The following CFAP91 variants were observed in gnomAD, a reference collection of about 807,000 sequenced individuals.
CFAP91 encodes the protein cilia- and flagella-associated protein 91.
Under a neutral mutation model 95.9 loss-of-function variants are expected in CFAP91, and 85 were observed. The ratio of observed to expected loss-of-function variants is 0.89; its 90% CI spans 0.74 to 1.06. The LOEUF is 1.06. Ranked by LOEUF, CFAP91 falls within the 50% of genes least tolerant of loss-of-function variation. The pLI, the probability that CFAP91 is intolerant of heterozygous loss-of-function variation, is 0.00. For synonymous variants in CFAP91, 335 were observed against 327.5 expected, an observed-to-expected ratio of 1.02 and a Z score of -0.25; for missense variants, 962 against 943.4, an observed-to-expected ratio of 1.02 and a Z score of -0.26.
chr3:119,736,759 GA>G (rs898411292), intron 10 of CFAP91, among the ~76,000 whole-genome samples: 10 of 151,940 alleles, frequency 6.6e-5, no homozygotes, highest in African/African-American at 2.4e-4. Context: ...CCATTGTGTG[GA>G]TATACCACAT....
At chr3:119,732,606 C>T in intron 9 of CFAP91, 130 bp downstream of exon 9, 4 of 663,580 alleles carry the variant, frequency 6.0e-6, no homozygotes, top group Non-Finnish European at 9.9e-6. Flanking sequence ...ACTGATGATA[C>T]AAACCAATAA....
chr3:119,749,743 C>T (rs1419812542), intron 16 of CFAP91, among the ~76,000 whole-genome samples: 1 of 151,996 alleles, frequency 6.6e-6, no homozygotes, highest in Non-Finnish European at 1.5e-5. Flanking sequence ...CAAATGAGAA[C>T]CATATGTATT....
chr3:119,738,330 G>GT (rs1559761130), intron 11 of CFAP91, among the ~76,000 whole-genome samples: 23 of 23,694 alleles, frequency 9.7e-4, no homozygotes, highest in Admixed American at 1.9e-3. Context: ...TTGACATATT[G>GT]TCTTTTTTTT....
chr3:119,720,641 A>G (rs2053666754), intron 6 of CFAP91, among the ~76,000 whole-genome samples: 1 of 152,326 alleles, frequency 6.6e-6, no homozygotes, highest in Admixed American at 6.5e-5. Flanking sequence ...GGAAACACAG[A>G]ATAAAAGTTA....
intron 7 of CFAP91, among the ~76,000 whole-genome samples, chr3:119,727,222 G>A (rs2053800435): frequency 6.6e-6 from 1 of 152,188 alleles, no homozygotes; most frequent in South Asian, 2.1e-4. Flanking sequence ...TCTCAGCTTG[G>A]TGCTAAATTT....
At chr3:119,737,010 A>G (rs1396985074) in intron 10 of CFAP91, among the ~76,000 whole-genome samples, 1 of 152,030 alleles carries the variant, frequency 6.6e-6, no homozygotes, top group Non-Finnish European at 1.5e-5. Context: ...CTAATTTTGT[A>G]TTTTTAGTAG....
intron 7 of CFAP91, 26 bp from the exon 8 acceptor site, chr3:119,730,194 C>G (rs756404380): frequency 6.2e-7 from 1 of 1,607,158 alleles, no homozygotes; most frequent in Non-Finnish European, 8.5e-7. Context: ...CCATATGCTT[C>G]TTTATGTTTT....
Position 119,739,285 on chromosome 3 carries a change from T to C in CFAP91, c.1492T>C (p.Tyr498His), listed in dbSNP as rs1235415160. 6.2e-7 allele frequency: 1 copy of C among 1,614,210 alleles called. No homozygotes were observed. Among genetic ancestry groups the C allele is most frequent in the Admixed American group, 1.7e-5 (1 of 60,030 alleles). The change falls in exon 12 of 18, where the codon TAC becomes CAC. Residue 498 changes from tyrosine to histidine, a missense_variant. Transcript: ENST00000273390. ...AGAAGAAATGGAAATGGCTGTGATC[T>C]ACCTTCAAAAGTTACTCCGGGGCAG... is the stretch of plus-strand genomic sequence containing the variant. Reference protein sequence around the residue: ...EEEEMEMAVIYLQKLLRGRVV... With the variant: ...EEEEMEMAVIHLQKLLRGRVV...
chr3:119,708,410 G>A (rs753293668), intron 3 of CFAP91, among the ~76,000 whole-genome samples, 181 bp from the exon 4 acceptor site: 3 of 152,016 alleles, frequency 2.0e-5, no homozygotes, highest in Non-Finnish European at 1.5e-5. Flanking sequence ...TGGTCTCCTG[G>A]CTCAGGGGAA....
At chr3:119,743,733 C>T (rs1335062640) in intron 13 of CFAP91, among the ~76,000 whole-genome samples, 1 of 152,170 alleles carries the variant, frequency 6.6e-6, no homozygotes, top group Non-Finnish European at 1.5e-5. Flanking sequence ...TTGCTAAATC[C>T]TCTTGCTTAT....
chr3:119,722,106 G>T (rs2053696397), intron 6 of CFAP91, among the ~76,000 whole-genome samples: 1 of 149,914 alleles, frequency 6.7e-6, no homozygotes, highest in African/African-American at 2.5e-5. Context: ...GGGGTTCAAG[G>T]TTACAGTGTA....
intron 11 of CFAP91, 27 bp downstream of exon 11, chr3:119,737,509 T>C (rs373627953): frequency 4.5e-6 from 6 of 1,322,752 alleles, no homozygotes; most frequent in Non-Finnish European, 6.5e-6. Flanking sequence ...TTAGTTGAAA[T>C]GCTAAATTCA....
At position 119,758,764 on chromosome 3, in the gene CFAP91, G is replaced by A. The variant is rs189229956; in HGVS notation, c.*2-6288G>A. On this transcript the variant is annotated intron_variant, in intron 17 of 17. Coordinates refer to ENST00000273390, the MANE Select transcript of CFAP91 (RefSeq NM_033364.4). ...AAGACATTTTCAAAGATGAGATAGG[G>A]ATGAGATGAGATAGGGAAAAATCTC... is the stretch of plus-strand genomic sequence containing the variant. 3.0e-3 allele frequency among the ~76,000 whole-genome samples: 450 copies of A among 152,154 alleles called. 4 individuals are homozygous for A. The highest frequency in any genetic ancestry group is 0.02 in the South Asian group (96 of 4,818).
chr3:119,715,310 A>C, intron 5 of CFAP91: 1 of 601,668 alleles, frequency 1.7e-6, no homozygotes, highest in Non-Finnish European at 3.0e-6. Context: ...ACACATATAA[A>C]TAGGCACTTC....
intron 16 of CFAP91, among the ~76,000 whole-genome samples, chr3:119,749,780 A>G (rs2054292348): frequency 6.6e-6 from 1 of 152,184 alleles, no homozygotes; most frequent in Non-Finnish European, 1.5e-5. Flanking sequence ...CCCAAAATTA[A>G]GATGATAATA....
At chr3:119,751,682 C>T (rs777270956) in intron 17 of CFAP91, among the ~76,000 whole-genome samples, 33 of 152,176 alleles carry the variant, frequency 2.2e-4, no homozygotes, top group Non-Finnish European at 4.9e-4. Flanking sequence ...GAGCCCTTGC[C>T]ATACCCATGC....
intron 6 of CFAP91, among the ~76,000 whole-genome samples, chr3:119,719,613 A>G (rs913762139): frequency 3.3e-5 from 5 of 152,214 alleles, no homozygotes; most frequent in African/African-American, 1.2e-4. Context: ...TTAAAAGGCA[A>G]AAGAAATGGT....
At chr3:119,748,583 G>A (rs989325964) in intron 16 of CFAP91, among the ~76,000 whole-genome samples, 1 of 152,208 alleles carries the variant, frequency 6.6e-6, no homozygotes, top group Admixed American at 6.5e-5. Flanking sequence ...CAGAAGTATT[G>A]AAAATTATAC....
In CFAP91 at chr3:119,749,610, G is replaced by A. The variant is rs550944118; in HGVS notation, c.2144-1327G>A. ...GATTTGGAGGAAGACTTGAGCTAAC[G>A]GAATCCAGTGGAACTTATCTATGGG... On this transcript the variant is annotated intron_variant, in intron 16 of 17. Coordinates refer to ENST00000273390, the MANE Select transcript of CFAP91 (RefSeq NM_033364.4). 1.8e-4 allele frequency among the ~76,000 whole-genome samples: 27 copies of A among 152,232 alleles called. No homozygotes were observed. The South Asian group carries it at 2.5e-3, about 14-fold the overall frequency.
Sources: allele counts gnomAD v4.1 joint callset (sites outside exome capture counted in the v4.1 genomes callset), GRCh38; gene constraint gnomAD v4.1.1; transcripts MANE v1.5; gene names NCBI Gene and HGNC (gene_info 2026-07-23, HGNC 2026-07-21).